XKR9: variants seen among roughly 807,000 people sequenced by gnomAD.
The protein encoded by XKR9 is XK-related protein 9.
XKR9 carries 32 observed loss-of-function variants against 32.0 expected under a neutral mutation model. The observed-to-expected ratio is 1.00, with a 90% CI of 0.76 to 1.34. The LOEUF (loss-of-function observed/expected upper bound fraction) is 1.34, where lower values mean the gene tolerates loss of function less well. Ranked by LOEUF, XKR9 falls within the 40% of genes most tolerant of loss-of-function variation. The probability of loss-of-function intolerance (pLI) is 0.00; values close to 1 mark genes in which losing one functional copy is unlikely to be tolerated. For synonymous variants in XKR9, 168 were observed against 143.4 expected (o/e 1.17, Z -1.22); for missense variants, 546 against 429.7 (o/e 1.27, Z -2.39).
chr8:70,974,666 T>A, the XKR9 span, among the ~76,000 whole-genome samples: 1 of 152,220 alleles, frequency 6.6e-6, no homozygotes, highest in Non-Finnish European at 1.5e-5. Context: ...TGGTTCCAAG[T>A]CTTTGCTATT....
chr8:70,850,111 T>A, the XKR9 span, among the ~76,000 whole-genome samples: 1 of 152,076 alleles, frequency 6.6e-6, no homozygotes, highest in African/African-American at 2.4e-5. Flanking sequence ...CCTCCCTAAC[T>A]CTTTTCATGA....
At chr8:70,789,615 A>G (rs1193271778) in intron 3 of XKR9, among the ~76,000 whole-genome samples, 2 of 152,122 alleles carry the variant, frequency 1.3e-5, no homozygotes, top group Admixed American at 1.3e-4. Context: ...AGTGATTTTC[A>G]TTGAAATTTA....
chr8:70,672,606 CTGTG>C (rs533943749), intron 1 of XKR9, among the ~76,000 whole-genome samples: 1 of 150,222 alleles, frequency 6.7e-6, no homozygotes, highest in Non-Finnish European at 1.5e-5. Flanking sequence ...TATGGTAGTT[CTGTG>C]TGTGTGTGTG....
chr8:70,720,283 C>G lies in XKR9; in HGVS notation c.493+13130C>G, dbSNP rs192045305. Among the ~76,000 whole-genome samples, 239 of 152,166 alleles carry G rather than the reference C, an allele frequency of 1.6e-3. 1 individual carries two copies. Among genetic ancestry groups the G allele is most frequent in the African/African-American group, 5.6e-3 (231 of 41,512 alleles). On this transcript the variant is annotated intron_variant, in intron 4 of 4. Transcript: ENST00000408926. ...ACTTCCTGTCTTCCCATTTGAATAC[C>G]CTTTATTTCTTTCTCTTGCCTGATT...
chr8:70,764,349 A>G (rs1167389097), intron 2 of XKR9, among the ~76,000 whole-genome samples: 2 of 152,204 alleles, frequency 1.3e-5, no homozygotes, highest in East Asian at 1.9e-4. Flanking sequence ...CTTTCATCTT[A>G]TATAAAAGTT....
At chr8:70,931,508 T>C in the XKR9 span, among the ~76,000 whole-genome samples, 3 of 152,228 alleles carry the variant, frequency 2.0e-5, no homozygotes, top group Non-Finnish European at 2.9e-5. Flanking sequence ...CCTTTTCAGC[T>C]ATAAAATTCT....
the XKR9 span, among the ~76,000 whole-genome samples, chr8:71,028,990 C>CT: frequency 3.2e-3 from 484 of 151,972 alleles, 2 homozygotes; most frequent in African/African-American, 0.011. Context: ...CAAACATGAC[C>CT]TTCATGATTT....
At chr8:71,044,326 C>T in the XKR9 span, among the ~76,000 whole-genome samples, 11 of 152,140 alleles carry the variant, frequency 7.2e-5, no homozygotes, top group Non-Finnish European at 5.9e-5. Flanking sequence ...CTGTTGCGAT[C>T]GCTCAGTTGT....
chr8:71,054,965 A>C, the XKR9 span, among the ~76,000 whole-genome samples: 1 of 152,212 alleles, frequency 6.6e-6, no homozygotes, highest in African/African-American at 2.4e-5. Context: ...GGGTGAGCTA[A>C]AGTATTTGAC....
At chr8:71,016,440 T>A in the XKR9 span, among the ~76,000 whole-genome samples, 7 of 152,324 alleles carry the variant, frequency 4.6e-5, 1 homozygote, top group South Asian at 1.4e-3. Flanking sequence ...TGCTGCTTCC[T>A]GTGCTCTGGA....
the XKR9 span, among the ~76,000 whole-genome samples, chr8:70,986,946 AATGGATGGCAACAGGCAAAGGGAGAATG>A: frequency 6.6e-6 from 1 of 152,218 alleles, no homozygotes. Context: ...TCTTGTCTTA[AATGGATGGCAACAGGCAAAGGGAGAATG>A]ACGAAGATGC....
the XKR9 span, among the ~76,000 whole-genome samples, chr8:70,873,875 A>G: frequency 2.0e-5 from 3 of 152,210 alleles, no homozygotes; most frequent in African/African-American, 7.2e-5. Context: ...CTTTCATGAA[A>G]GGAAGAGTCA....
chr8:70,823,696 T>G, the XKR9 span, among the ~76,000 whole-genome samples: 1 of 152,188 alleles, frequency 6.6e-6, no homozygotes, highest in Non-Finnish European at 1.5e-5. Context: ...GTAATGGATT[T>G]GATTTTTTTG....
intron 4 of XKR9, among the ~76,000 whole-genome samples, chr8:70,725,044 G>T (rs984919808): frequency 6.6e-6 from 1 of 152,072 alleles, no homozygotes; most frequent in African/African-American, 2.4e-5. Context: ...CCTTCTTTAC[G>T]TGGCACCAGG....
the XKR9 span, among the ~76,000 whole-genome samples, chr8:70,884,968 A>C: frequency 0.32 from 48,283 of 152,102 alleles, 8,990 homozygotes; most frequent in Non-Finnish European, 0.43. Flanking sequence ...TAAATTGGGA[A>C]GAATTGACAT....
chr8:70,862,631 C>G, the XKR9 span, among the ~76,000 whole-genome samples: 3 of 149,172 alleles, frequency 2.0e-5, no homozygotes, highest in Admixed American at 6.7e-5. Context: ...AATATTACAT[C>G]TAATATATAT....
chr8:70,841,809 T>C, the XKR9 span, among the ~76,000 whole-genome samples: 1 of 152,182 alleles, frequency 6.6e-6, no homozygotes, highest in Non-Finnish European at 1.5e-5. Flanking sequence ...TTTTCCCCCA[T>C]AGTGGTGGTA....
the XKR9 span, among the ~76,000 whole-genome samples, chr8:70,857,502 C>A: frequency 6.6e-6 from 1 of 152,142 alleles, no homozygotes; most frequent in African/African-American, 2.4e-5. Context: ...AAGTCCAAGA[C>A]CTGATGGATT....
chr8:70,888,657 A>AT, the XKR9 span, among the ~76,000 whole-genome samples: 35 of 151,620 alleles, frequency 2.3e-4, no homozygotes, highest in African/African-American at 7.7e-4. Flanking sequence ...GTCTACTTTA[A>AT]TTTTTTTTGC....
Sources: allele counts gnomAD v4.1 joint callset (sites outside exome capture counted in the v4.1 genomes callset), GRCh38; gene constraint gnomAD v4.1.1; transcripts MANE v1.5; gene names NCBI Gene and HGNC (gene_info 2026-07-23, HGNC 2026-07-21).